SDK1: variants seen among roughly 807,000 people sequenced by gnomAD.
SDK1 encodes the protein protein sidekick-1.
Under a neutral mutation model 245.5 loss-of-function variants are expected in SDK1, and 157 were observed. The ratio of observed to expected loss-of-function variants is 0.64; its 90% CI spans 0.56 to 0.73. SDK1 has a LOEUF of 0.73. SDK1 is among the 30% of genes least tolerant of loss of function. The pLI is 0.00. For missense variants in SDK1, 3,583 were observed against 3,002.3 expected (o/e 1.19, Z -4.52); for synonymous variants, 1,647 against 1,278.5 (o/e 1.29, Z -6.15).
chr7:4,237,923 G>A (rs1786281671), intron 42 of SDK1, 139 bp downstream of exon 42: 2 of 1,066,352 alleles, frequency 1.9e-6, no homozygotes, highest in Non-Finnish European at 1.3e-6. Context: ...AATGCAATAG[G>A]TTTTCTTTCT....
At chr7:3,330,959 C>T (rs1447493845) in intron 1 of SDK1, among the ~76,000 whole-genome samples, 1 of 151,738 alleles carries the variant, frequency 6.6e-6, no homozygotes, top group Non-Finnish European at 1.5e-5. Context: ...GAGTAAGACC[C>T]TGTCTCTTAA....
intron 1 of SDK1, among the ~76,000 whole-genome samples, chr7:3,326,037 G>A (rs1436257589): frequency 6.6e-6 from 1 of 152,118 alleles, no homozygotes; most frequent in Non-Finnish European, 1.5e-5. Flanking sequence ...CCTAATGTGT[G>A]TATATATAGT....
intron 5 of SDK1, among the ~76,000 whole-genome samples, chr7:3,858,859 C>A (rs1441305778): frequency 1.7e-5 from 2 of 119,658 alleles, no homozygotes; most frequent in African/African-American, 9.4e-5. Flanking sequence ...TTGTATTTTT[C>A]TTTTTTCTTT....
chr7:3,799,704 CAAA>C (rs34448201), intron 4 of SDK1, among the ~76,000 whole-genome samples: 79 of 109,072 alleles, frequency 7.2e-4, no homozygotes, highest in African/African-American at 2.1e-3. Context: ...GACTCCATCT[CAAA>C]AAAAAAAAAA....
chr7:3,617,960 G>C (rs939699168), intron 1 of SDK1, among the ~76,000 whole-genome samples: 1 of 152,152 alleles, frequency 6.6e-6, no homozygotes, highest in Non-Finnish European at 1.5e-5. Flanking sequence ...TGAGCAGAGA[G>C]GGGAGGAGGC....
intron 22 of SDK1, among the ~76,000 whole-genome samples, chr7:4,092,417 T>G (rs189447206): frequency 2.6e-5 from 4 of 152,264 alleles, no homozygotes; most frequent in East Asian, 3.9e-4. Flanking sequence ...GAGGCACCCA[T>G]GAAGCCCAGC....
intron 25 of SDK1, among the ~76,000 whole-genome samples, chr7:4,119,566 C>G (rs986913153): frequency 2.7e-5 from 4 of 148,812 alleles, no homozygotes; most frequent in Admixed American, 2.0e-4. Context: ...GTGATCAACT[C>G]TTCCTGAAAT....
chr7:3,658,761 C>T (rs1208368968), intron 4 of SDK1, among the ~76,000 whole-genome samples: 4 of 152,020 alleles, frequency 2.6e-5, no homozygotes, highest in African/African-American at 9.7e-5. Context: ...ACTACAGACA[C>T]CTGCCACCAC....
At chr7:3,818,627 T>C (rs1324582929) in intron 4 of SDK1, among the ~76,000 whole-genome samples, 4 of 152,176 alleles carry the variant, frequency 2.6e-5, no homozygotes, top group East Asian at 1.9e-4. Flanking sequence ...AGTGTTTTGA[T>C]TTCTAGTGAC....
At chr7:3,776,566 G>C (rs1291281911) in intron 4 of SDK1, among the ~76,000 whole-genome samples, 3 of 152,216 alleles carry the variant, frequency 2.0e-5, no homozygotes, top group Non-Finnish European at 4.4e-5. Context: ...CGTAAATGAA[G>C]ATAGTATGTG....
chr7:4,212,766 A>G (rs1784574016), intron 38 of SDK1, among the ~76,000 whole-genome samples: 1 of 152,250 alleles, frequency 6.6e-6, no homozygotes, highest in Admixed American at 6.5e-5. Context: ...GTCATAACCA[A>G]CGAGGACCAT....
chr7:4,202,710 C>T (rs1028682224), intron 35 of SDK1, among the ~76,000 whole-genome samples: 1 of 152,238 alleles, frequency 6.6e-6, no homozygotes, highest in South Asian at 2.1e-4. Flanking sequence ...TTTTCCCTCA[C>T]TCTCTGAAGC....
intron 30 of SDK1, among the ~76,000 whole-genome samples, chr7:4,151,578 G>C (rs927480348): frequency 6.6e-6 from 1 of 152,144 alleles, no homozygotes; most frequent in African/African-American, 2.4e-5. Context: ...TGGTGATCTA[G>C]TCACTCAGCT....
chr7:4,102,562 T>C (rs944916133), intron 22 of SDK1, among the ~76,000 whole-genome samples: 2 of 152,156 alleles, frequency 1.3e-5, no homozygotes, highest in Admixed American at 6.5e-5. Flanking sequence ...TGTGCAGAAT[T>C]ACCTTTGGGA....
intron 5 of SDK1, among the ~76,000 whole-genome samples, chr7:3,940,564 C>A (rs960651077): frequency 6.6e-6 from 1 of 152,094 alleles, no homozygotes; most frequent in African/African-American, 2.4e-5. Flanking sequence ...CAGTGCTGAC[C>A]GGGTGTGGTG....
intron 20 of SDK1, among the ~76,000 whole-genome samples, chr7:4,069,078 G>A (rs1360022731): frequency 1.3e-5 from 2 of 151,928 alleles, no homozygotes; most frequent in African/African-American, 4.8e-5. Flanking sequence ...TTAAATCTTA[G>A]TTCAAAAAAA....
intron 4 of SDK1, among the ~76,000 whole-genome samples, chr7:3,807,184 G>A (rs991157740): frequency 2.0e-5 from 3 of 152,240 alleles, no homozygotes; most frequent in East Asian, 1.9e-4. Context: ...CTTCATGGAC[G>A]GAACCCAGGG....
chr7:3,576,297 C>T (rs939953231), intron 1 of SDK1, among the ~76,000 whole-genome samples: 4 of 152,248 alleles, frequency 2.6e-5, no homozygotes, highest in Non-Finnish European at 5.9e-5. Flanking sequence ...TGACAGTGGC[C>T]ACACCCAGGT....
chr7:3,577,991 A>C (rs1300676199), intron 1 of SDK1, among the ~76,000 whole-genome samples: 2 of 151,636 alleles, frequency 1.3e-5, no homozygotes, highest in Non-Finnish European at 2.9e-5. Flanking sequence ...TATTCTTTCC[A>C]CTCAACTTAC....
Sources: gnomAD v4.1 joint callset for allele counts (sites outside exome capture counted in the v4.1 genomes callset) on GRCh38, gnomAD v4.1.1 for gene constraint, MANE v1.5 for transcripts, NCBI Gene and HGNC (gene_info 2026-07-23, HGNC 2026-07-21) for gene names.